Variants in PARP9 observed in about 807,000 individuals in gnomAD.
PARP9 encodes the protein protein mono-ADP-ribosyltransferase PARP9.
Under a neutral mutation model 68.8 loss-of-function variants are expected in PARP9, and 48 were observed. The ratio of observed to expected loss-of-function variants is 0.70; its 90% CI spans 0.55 to 0.89. The LOEUF is 0.89. PARP9 is among the 40% of genes least tolerant of loss of function. The pLI is 0.00. For missense variants in PARP9, 806 were observed against 969.3 expected (o/e 0.83, Z 2.24); for synonymous variants, 309 against 333.8 (o/e 0.93, Z 0.81).
Position 122,540,573 on chromosome 3 carries a change from C to A in PARP9, c.1664G>T (p.Arg555Leu). The A allele has an allele frequency of 6.2e-7, 1 of 1,614,124 alleles. No individual in the cohort carries two copies. Residue 555 changes from arginine to leucine, a missense_variant, in exon 8 of 11, where the codon CGG (arginine) becomes CTG (leucine). Arg to Leu is a moderately radical substitution (Grantham distance 102). This residue lies in a region of PARP9 where 680 missense variants were observed against 858.8 expected (regional missense o/e 0.79). Transcript: ENST00000682323. ...CATAACCACCTCAATGAGGTCAGCCCGGGCTCCTTCAATCTCTAACTCTGT... is the reference window on the plus strand; with the variant it reads ...CATAACCACCTCAATGAGGTCAGCCAGGGCTCCTTCAATCTCTAACTCTGT... ...GRTELEIEGA[R>L]ADLIEVVMNI...
chr3:122,530,041 G>A (rs1183159680), intron 10 of PARP9, among the ~76,000 whole-genome samples: 1 of 151,974 alleles, frequency 6.6e-6, no homozygotes, highest in Non-Finnish European at 1.5e-5. Flanking sequence ...ACCAGGCATG[G>A]TGGTGCACAC....
intron 9 of PARP9, chr3:122,536,709 C>G: frequency 1.8e-6 from 1 of 569,838 alleles, no homozygotes; most frequent in Non-Finnish European, 3.0e-6. Flanking sequence ...CTTCCTGGAT[C>G]TGGAATCCTT....
At chr3:122,534,315 C>G in intron 10 of PARP9, 1 of 984,024 alleles carries the variant, frequency 1.0e-6, no homozygotes, top group Non-Finnish European at 1.2e-6. Context: ...ATCCATGGCT[C>G]CCTGATAGGC....
intron 10 of PARP9, chr3:122,535,765 T>C (rs1256255277): frequency 2.0e-6 from 2 of 1,007,828 alleles, no homozygotes; most frequent in Non-Finnish European, 2.4e-6. Context: ...CTTTCTTAAA[T>C]TTGGGAAAAT....
At chr3:122,548,637 A>G (rs1427949419) in intron 6 of PARP9, among the ~76,000 whole-genome samples, 1 of 152,226 alleles carries the variant, frequency 6.6e-6, no homozygotes, top group Non-Finnish European at 1.5e-5. Flanking sequence ...AAAATATCAC[A>G]GTTTATTCAC....
chr3:122,556,036 C>T lies in PARP9; in HGVS notation c.135G>A (p.Gln45=). The change falls in exon 4 of 11, where the codon CAG becomes CAA. Residue 45 remains glutamine, a synonymous_variant. Coordinates refer to ENST00000682323, the MANE Select transcript of PARP9 (RefSeq NM_001146105.2). ...ACTTATTCTGGAGGACTTCACACAGCTGACGCTCATTATTTTTTAAAATTT... is the reference window on the plus strand; with the variant it reads ...ACTTATTCTGGAGGACTTCACACAGTTGACGCTCATTATTTTTTAAAATTT... ...DFKILKNNER[Q]LCEVLQNKFG... is the part of the protein sequence containing the mutation. The T allele has an allele frequency of 6.2e-7, 1 of 1,612,352 alleles. No individual in the cohort carries two copies. Among genetic ancestry groups the T allele is most frequent in the Non-Finnish European group, 8.5e-7 (1 of 1,179,788 alleles).
chr3:122,528,888 A>G, intron 10 of PARP9, 145 bp from the exon 11 acceptor site: 1 of 818,778 alleles, frequency 1.2e-6, no homozygotes, highest in Non-Finnish European at 1.8e-6. Flanking sequence ...TAGCAAAGAC[A>G]CTCAAAATTG....
rs1479803588 is a variant in PARP9 at position 122,550,618 on chromosome 3, A to G, written c.1292T>C (p.Phe431Ser). The change falls in exon 6 of 11, where the codon TTT becomes TCT. Residue 431 changes from phenylalanine to serine, a missense_variant. Phe to Ser is a radical substitution (Grantham distance 155, BLOSUM62 -2). Coordinates refer to ENST00000682323, the MANE Select transcript of PARP9 (RefSeq NM_001146105.2). ...DHVKHQLTVK[F>S]VIFPTDLEIY... Reference sequence around the variant, plus strand: ...CTCCAAATCTGTTGGAAAGATCACAAATTTTACAGTTAACTGGTGTTTTAC... The same window carrying G: ...CTCCAAATCTGTTGGAAAGATCACAGATTTTACAGTTAACTGGTGTTTTAC... 3.1e-6 allele frequency: 5 copies of G among 1,613,206 alleles called. No homozygotes were observed. In the African/African-American group the frequency reaches 6.7e-5, roughly 22 times the overall value.
Position 122,540,630 on chromosome 3 carries a change from A to G in PARP9, c.1607T>C (p.Val536Ala). The change falls in exon 8 of 11, where the codon GTC becomes GCC. Residue 536 changes from valine to alanine, a missense_variant. By Grantham distance (64) the Val-to-Ala change is moderately conservative. Transcript: ENST00000682323. ...TGGGCTGATAATTTCTGTGATGGAGACACTTGAAGTTTTCTGAAGCTGAGA... is the reference window on the plus strand; with the variant it reads ...TGGGCTGATAATTTCTGTGATGGAGGCACTTGAAGTTTTCTGAAGCTGAGA... ...ILSQLQKTSSVSITEIISPGR... is the reference protein window; with the variant it reads ...ILSQLQKTSSASITEIISPGR... 6.2e-7 allele frequency: 1 copy of G among 1,614,036 alleles called. No individual in the cohort carries two copies.
At chr3:122,529,699 A>G (rs1039789226) in intron 10 of PARP9, among the ~76,000 whole-genome samples, 1 of 149,846 alleles carries the variant, frequency 6.7e-6, no homozygotes, top group Non-Finnish European at 1.5e-5. Context: ...GCTTGCAGTG[A>G]GCCGAGGTTG....
At chr3:122,549,320 T>C in intron 6 of PARP9, among the ~76,000 whole-genome samples, 1 of 152,178 alleles carries the variant, frequency 6.6e-6, no homozygotes, top group Non-Finnish European at 1.5e-5. Context: ...CCACCTGTAT[T>C]AACTCATTTC....
chr3:122,551,302 T>A (rs2079182129), intron 5 of PARP9, among the ~76,000 whole-genome samples: 1 of 152,160 alleles, frequency 6.6e-6, no homozygotes, highest in Non-Finnish European at 1.5e-5. Flanking sequence ...AATACAGGAA[T>A]GTTGCCCATG....
intron 1 of PARP9, among the ~76,000 whole-genome samples, chr3:122,563,312 A>G (rs1266539215): frequency 1.3e-5 from 2 of 152,134 alleles, no homozygotes; most frequent in Admixed American, 6.5e-5. Flanking sequence ...GTCTGAATCG[A>G]GATGTGATGT....
rs2107679169 is a variant in PARP9, at chr3:122,550,675, A to G, written c.1235T>C (p.Phe412Ser). ...IKKETAAEIL[F>S]DEVLTFAKDH... ...TTTGGCAAATGTTAAAACTTCATCA[A>G]ACAAAATCTCTGCTGCTGTTTCCTT... Residue 412 changes from phenylalanine (F) to serine (S), a missense_variant, in exon 6 of 11, where the codon TTT (phenylalanine) becomes TCT (serine). By Grantham distance (155) the Phe-to-Ser change is radical. This residue lies in a region of PARP9 where 680 missense variants were observed against 858.8 expected (regional missense o/e 0.79). Transcript: ENST00000682323. 6.2e-7 allele frequency: 1 copy of G among 1,614,118 alleles called. No homozygotes were observed. Among genetic ancestry groups the G allele is most frequent in the Non-Finnish European group, 8.5e-7 (1 of 1,180,022 alleles).
chr3:122,544,477 CCTTA>C (rs1464890306), intron 7 of PARP9, among the ~76,000 whole-genome samples: 2 of 152,138 alleles, frequency 1.3e-5, no homozygotes, highest in African/African-American at 2.4e-5. Flanking sequence ...TGCTCTCCTT[CCTTA>C]CTTACAGCAC....
chr3:122,550,896 T>G (rs1259276181), intron 5 of PARP9, 94 bp from the exon 6 acceptor site: 3 of 1,128,630 alleles, frequency 2.7e-6, no homozygotes, highest in Non-Finnish European at 3.9e-6. Flanking sequence ...ATGTCCACCT[T>G]CACCCTCCCT....
chr3:122,537,928 C>G (rs568802853), intron 8 of PARP9, among the ~76,000 whole-genome samples: 1 of 152,166 alleles, frequency 6.6e-6, no homozygotes, highest in East Asian at 1.9e-4. Flanking sequence ...TACAGGTGGA[C>G]AAATGAAAAC....
intron 8 of PARP9, among the ~76,000 whole-genome samples, 187 bp downstream of exon 8, chr3:122,540,285 A>G (rs1244320466): frequency 6.6e-6 from 1 of 152,220 alleles, no homozygotes; most frequent in South Asian, 2.1e-4. Flanking sequence ...GTGTTCACAA[A>G]TAACCCTGAT....
intron 7 of PARP9, among the ~76,000 whole-genome samples, chr3:122,544,638 G>A (rs2078549507): frequency 1.3e-5 from 2 of 151,832 alleles, no homozygotes; most frequent in African/African-American, 4.8e-5. Context: ...GCAACATGGC[G>A]AAACCCCGTC....
Sources: gnomAD v4.1 joint callset for allele counts (sites outside exome capture counted in the v4.1 genomes callset) on GRCh38, gnomAD v4.1.1 for gene constraint, gnomAD v4.1.1 regional missense constraint, MANE v1.5 for transcripts, NCBI Gene and HGNC (gene_info 2026-07-23, HGNC 2026-07-21) for gene names.